Variants in NDUFA5 observed in about 807,000 individuals in gnomAD.
The protein encoded by NDUFA5 is NADH:ubiquinone oxidoreductase subunit A5.
A neutral mutation model predicts 19.8 loss-of-function variants in NDUFA5; 11 were observed. That is an observed-to-expected ratio of 0.56 (90% CI 0.35 to 0.92). NDUFA5 has a LOEUF of 0.92. Ranked by LOEUF, NDUFA5 falls within the 40% of genes least tolerant of loss-of-function variation. The pLI, the probability that NDUFA5 is intolerant of heterozygous loss-of-function variation, is 0.01. For synonymous variants in NDUFA5, 47 were observed against 46.8 expected (o/e 1.00, Z -0.01); for missense variants, 109 against 134.2 (o/e 0.81, Z 0.93).
intron 2 of NDUFA5, 82 bp downstream of exon 2, chr7:123,557,322 C>A: frequency 1.9e-6 from 3 of 1,586,272 alleles, no homozygotes; most frequent in South Asian, 1.1e-5. Context: ...ATCTGTATCC[C>A]GTTAACCCTG....
intron 1 of NDUFA5, 83 bp downstream of exon 1, chr7:123,557,692 G>A (rs755189888): frequency 6.8e-6 from 11 of 1,613,872 alleles, no homozygotes; most frequent in Non-Finnish European, 9.3e-6. Flanking sequence ...GACAGTAGGG[G>A]TCAACACCCG....
At chr7:123,591,166 C>T in the NDUFA5 span, among the ~76,000 whole-genome samples, 2 of 152,140 alleles carry the variant, frequency 1.3e-5, no homozygotes, top group African/African-American at 2.4e-5. Flanking sequence ...TGAGACTTTG[C>T]TGAAGTTGCT....
At chr7:123,564,920 C>CACACACAT in the NDUFA5 span, among the ~76,000 whole-genome samples, 4 of 147,844 alleles carry the variant, frequency 2.7e-5, no homozygotes, top group African/African-American at 9.9e-5. Flanking sequence ...CACACACACA[C>CACACACAT]ATATATATAC....
chr7:123,574,119 TC>T, the NDUFA5 span, among the ~76,000 whole-genome samples: 1 of 152,134 alleles, frequency 6.6e-6, no homozygotes, highest in Non-Finnish European at 1.5e-5. Context: ...AGTGCCACAT[TC>T]TTTGCCAAAA....
intron 2 of NDUFA5, 77 bp from the exon 3 acceptor site, chr7:123,550,663 AAAAC>A (rs1298577062): frequency 9.4e-6 from 8 of 851,420 alleles, no homozygotes; most frequent in Non-Finnish European, 1.5e-5. Context: ...TCTCAAAGAC[AAAAC>A]AAACAAAACT....
the NDUFA5 span, among the ~76,000 whole-genome samples, chr7:123,575,816 CTT>C: frequency 5.8e-5 from 8 of 136,784 alleles, no homozygotes; most frequent in Non-Finnish European, 6.3e-5. Flanking sequence ...ATGAAGTTTT[CTT>C]TTTTTTTTTT....
At chr7:123,598,736 G>A in the NDUFA5 span, 1 of 152,152 alleles carries the variant, frequency 6.6e-6, no homozygotes, top group East Asian at 1.9e-4. Flanking sequence ...CTGTTTGTTT[G>A]TCATTAATTT....
At chr7:123,578,636 C>G in the NDUFA5 span, among the ~76,000 whole-genome samples, 1 of 151,572 alleles carries the variant, frequency 6.6e-6, no homozygotes, top group Non-Finnish European at 1.5e-5. Flanking sequence ...CTTTTAATAT[C>G]TGAGCTAATG....
the NDUFA5 span, among the ~76,000 whole-genome samples, chr7:123,564,539 CA>C: frequency 2.0e-5 from 3 of 152,028 alleles, no homozygotes; most frequent in South Asian, 6.2e-4. Flanking sequence ...CACATATACA[CA>C]TATGAAATAG....
rs2116190002 is a variant in NDUFA5, at chr7:123,555,440, AAT to A, written c.66+1962_66+1963del. The A allele has an allele frequency of 2.0e-5, 3 of 152,330 alleles. No homozygotes were observed. In the South Asian group the frequency reaches 6.2e-4, roughly 32 times the overall value. The allele number at this position is 152,330 out of a possible 1,614,324, so 9.4% of individuals were successfully genotyped here. On this transcript the variant is annotated intron_variant, in intron 2 of 4. Transcript: ENST00000355749. The stretch of plus-strand genomic sequence containing the variant: ...GTTATAGAAAAGGATCAGCAAAAAA[AAT>A]AAAAATAAAAATCATCATTGGAATG...
At chr7:123,575,288 C>G in the NDUFA5 span, among the ~76,000 whole-genome samples, 1 of 152,036 alleles carries the variant, frequency 6.6e-6, no homozygotes, top group Non-Finnish European at 1.5e-5. Context: ...TCTCTCTCAT[C>G]CTTTGCATAT....
At position 123,540,732 on chromosome 7, in the gene NDUFA5, C is replaced by T. The variant is rs1797897961; in HGVS notation, c.*1387G>A. ...TTCTAACTCCCCCTCTAACACTTCCCCACCAGAAGGAGCCTTCTTGCACTC... is the reference window on the plus strand; with the variant it reads ...TTCTAACTCCCCCTCTAACACTTCCTCACCAGAAGGAGCCTTCTTGCACTC... On this transcript the variant is annotated 3_prime_UTR_variant, in exon 5 of 5. Coordinates refer to ENST00000355749, the MANE Select transcript of NDUFA5 (RefSeq NM_005000.5). 1 of 152,072 alleles carries T rather than the reference C, an allele frequency of 6.6e-6. No individual in the cohort carries two copies. The highest frequency in any genetic ancestry group is 2.4e-5 in the African/African-American group (1 of 41,372). 9.4% of individuals were successfully genotyped at this position (152,072 alleles called of 1,614,324 possible).
chr7:123,594,750 C>T, the NDUFA5 span, among the ~76,000 whole-genome samples: 1 of 152,190 alleles, frequency 6.6e-6, no homozygotes, highest in Non-Finnish European at 1.5e-5. Flanking sequence ...CAGGGACCCA[C>T]TTAAGGAGGC....
the NDUFA5 span, among the ~76,000 whole-genome samples, chr7:123,571,597 A>C: frequency 4.6e-5 from 7 of 152,324 alleles, no homozygotes; most frequent in Admixed American, 4.6e-4. Context: ...CCCAAAAGAG[A>C]AGCATTATAT....
At chr7:123,567,810 CT>C in the NDUFA5 span, among the ~76,000 whole-genome samples, 5 of 151,574 alleles carry the variant, frequency 3.3e-5, no homozygotes, top group African/African-American at 1.2e-4. Flanking sequence ...CTCTCTCAAC[CT>C]TGGAAAGAAA....
chr7:123,550,615 T>A, intron 2 of NDUFA5, 29 bp from the exon 3 acceptor site: 1 of 1,322,602 alleles, frequency 7.6e-7, no homozygotes, highest in Non-Finnish European at 1.1e-6. Context: ...CAAATTTCCA[T>A]AGGTTAAAAT....
At chr7:123,593,561 T>C in the NDUFA5 span, among the ~76,000 whole-genome samples, 2 of 152,212 alleles carry the variant, frequency 1.3e-5, no homozygotes, top group Admixed American at 6.5e-5. Context: ...AAATTCTGGG[T>C]TGAAAATTCT....
the NDUFA5 span, among the ~76,000 whole-genome samples, chr7:123,563,385 G>C: frequency 6.6e-6 from 1 of 152,156 alleles, no homozygotes; most frequent in African/African-American, 2.4e-5. Context: ...AGGAAGGCTA[G>C]AGCAGAAGGA....
chr7:123,572,224 C>T, the NDUFA5 span, among the ~76,000 whole-genome samples: 4 of 139,768 alleles, frequency 2.9e-5, no homozygotes, highest in Non-Finnish European at 4.5e-5. Flanking sequence ...TCACTGCAAC[C>T]TCTGCCTCCT....
Sources: allele counts gnomAD v4.1 joint callset (sites outside exome capture counted in the v4.1 genomes callset), GRCh38; gene constraint gnomAD v4.1.1; transcripts MANE v1.5; gene names NCBI Gene and HGNC (gene_info 2026-07-23, HGNC 2026-07-21).